RTN1: variants seen among roughly 807,000 people sequenced by gnomAD.
RTN1 encodes reticulon-1.
Under a neutral mutation model 65.5 loss-of-function variants are expected in RTN1, and 25 were observed. That is an observed-to-expected ratio of 0.38 (90% CI 0.28 to 0.53). The LOEUF is 0.53. Ranked by LOEUF, RTN1 falls within the 20% of genes least tolerant of loss-of-function variation. The pLI is 0.79. For missense variants in RTN1, 983 were observed against 1,025.4 expected (o/e 0.96, Z 0.57); for synonymous variants, 471 against 447.6 (o/e 1.05, Z -0.66).
intron 1 of RTN1, among the ~76,000 whole-genome samples, chr14:59,797,617 T>A (rs1886464008): frequency 1.3e-5 from 2 of 152,184 alleles, no homozygotes; most frequent in African/African-American, 4.8e-5. Context: ...TACCAAAACA[T>A]CTGAATGCCA....
At chr14:59,750,269 T>G (rs1430513730) in intron 1 of RTN1, among the ~76,000 whole-genome samples, 3 of 73,106 alleles carry the variant, frequency 4.1e-5, no homozygotes, top group African/African-American at 2.0e-4. Context: ...ATATATAATA[T>G]CTATAATATA....
chr14:59,817,284 G>A (rs1886838644), intron 1 of RTN1, among the ~76,000 whole-genome samples: 1 of 152,132 alleles, frequency 6.6e-6, no homozygotes, highest in African/African-American at 2.4e-5. Flanking sequence ...AAAAAATAAA[G>A]GATGCCATGA....
chr14:59,832,906 AC>A (rs1887150451), intron 1 of RTN1, among the ~76,000 whole-genome samples: 1 of 152,046 alleles, frequency 6.6e-6, no homozygotes, highest in South Asian at 2.1e-4. Context: ...TGTTGCAAAC[AC>A]CCCTATCATC....
intron 3 of RTN1, among the ~76,000 whole-genome samples, chr14:59,617,601 C>A (rs1022889420): frequency 3.3e-5 from 5 of 152,126 alleles, no homozygotes; most frequent in Non-Finnish European, 7.4e-5. Context: ...CTATACTACA[C>A]TGTTGTTAGC....
intron 3 of RTN1, among the ~76,000 whole-genome samples, chr14:59,684,363 T>C (rs1883803167): frequency 6.6e-6 from 1 of 152,080 alleles, no homozygotes; most frequent in Non-Finnish European, 1.5e-5. Flanking sequence ...ATTTACATAT[T>C]TTTCAAAAGT....
At chr14:59,601,445 C>G (rs576444310) in intron 8 of RTN1, among the ~76,000 whole-genome samples, 149 of 152,214 alleles carry the variant, frequency 9.8e-4, no homozygotes, top group African/African-American at 3.5e-3. Flanking sequence ...ATAGTTATTT[C>G]TGTATAATTT....
intron 3 of RTN1, among the ~76,000 whole-genome samples, chr14:59,713,387 T>C (rs1198108815): frequency 6.6e-6 from 1 of 152,156 alleles, no homozygotes; most frequent in Non-Finnish European, 1.5e-5. Flanking sequence ...ATGATGGAAA[T>C]TTCCGATGAG....
intron 3 of RTN1, among the ~76,000 whole-genome samples, chr14:59,638,183 G>A (rs531859850): frequency 1.3e-5 from 2 of 152,158 alleles, no homozygotes; most frequent in African/African-American, 4.8e-5. Context: ...AGACTTGAAG[G>A]TCAAAATTAC....
At chr14:59,820,113 T>C (rs921973001) in intron 1 of RTN1, among the ~76,000 whole-genome samples, 3 of 152,238 alleles carry the variant, frequency 2.0e-5, no homozygotes, top group Admixed American at 6.5e-5. Context: ...TGGCATCTCA[T>C]TGTGGTTTTG....
At chr14:59,741,191 C>T (rs1279359844) in intron 2 of RTN1, among the ~76,000 whole-genome samples, 1 of 152,160 alleles carries the variant, frequency 6.6e-6, no homozygotes, top group Non-Finnish European at 1.5e-5. Context: ...GCCGGCCTTC[C>T]AGCTGCTCCT....
intron 1 of RTN1, among the ~76,000 whole-genome samples, chr14:59,841,366 C>T: frequency 6.6e-6 from 1 of 152,108 alleles, no homozygotes; most frequent in Admixed American, 6.5e-5. Context: ...TGTTTAAACA[C>T]TCCAATTAAA....
chr14:59,798,353 T>C (rs1247361719), intron 1 of RTN1, among the ~76,000 whole-genome samples: 2 of 152,218 alleles, frequency 1.3e-5, no homozygotes, highest in African/African-American at 4.8e-5. Context: ...GTATATTAAT[T>C]TCCTATTGCT....
intron 3 of RTN1, among the ~76,000 whole-genome samples, chr14:59,672,830 C>T (rs1352538604): frequency 2.3e-4 from 35 of 149,676 alleles, no homozygotes; most frequent in South Asian, 6.4e-4. Context: ...TTAGTAGAGA[C>T]GGGGTTTCAC....
chr14:59,691,329 A>T (rs1310835483), intron 3 of RTN1, among the ~76,000 whole-genome samples: 1 of 152,194 alleles, frequency 6.6e-6, no homozygotes, highest in Non-Finnish European at 1.5e-5. Flanking sequence ...AAACAAGAAC[A>T]TCTAGAGGAA....
At chr14:59,659,441 G>A (rs190091364) in intron 3 of RTN1, among the ~76,000 whole-genome samples, 1 of 152,112 alleles carries the variant, frequency 6.6e-6, no homozygotes, top group East Asian at 1.9e-4. Context: ...ATAATTGTCA[G>A]GTTCATCAAG....
At chr14:59,670,664 A>T (rs1883483116) in intron 3 of RTN1, among the ~76,000 whole-genome samples, 1 of 152,176 alleles carries the variant, frequency 6.6e-6, no homozygotes, top group Admixed American at 6.5e-5. Context: ...ATGTGTCAGT[A>T]CCTCCATAGC....
intron 1 of RTN1, among the ~76,000 whole-genome samples, chr14:59,768,270 C>T (rs1286477501): frequency 2.0e-5 from 3 of 152,162 alleles, no homozygotes; most frequent in African/African-American, 7.2e-5. Flanking sequence ...CAAAGTACAA[C>T]TTGATAAGTG....
intron 3 of RTN1, among the ~76,000 whole-genome samples, chr14:59,690,311 G>T (rs949396993): frequency 2.0e-5 from 3 of 151,358 alleles, no homozygotes; most frequent in Non-Finnish European, 2.9e-5. Flanking sequence ...AGGTGGGGGG[G>T]GGTCATTATC....
At chr14:59,691,930 C>T (rs966761279) in intron 3 of RTN1, among the ~76,000 whole-genome samples, 2 of 152,030 alleles carry the variant, frequency 1.3e-5, no homozygotes, top group Non-Finnish European at 2.9e-5. Context: ...ATCAAAGGAA[C>T]ATACCTCAAA....
Sources: allele counts gnomAD v4.1 joint callset (sites outside exome capture counted in the v4.1 genomes callset), GRCh38; gene constraint gnomAD v4.1.1; transcripts MANE v1.5; gene names NCBI Gene and HGNC (gene_info 2026-07-23, HGNC 2026-07-21).